SEM1: variants seen among roughly 807,000 people sequenced by gnomAD.
SEM1 encodes SEM1 26S proteasome subunit.
SEM1 carries 3 observed loss-of-function variants against 12.7 expected under a neutral mutation model. That is an observed-to-expected ratio of 0.24 (90% CI 0.11 to 0.61). The LOEUF is 0.61. SEM1 is among the 20% of genes least tolerant of loss of function. The pLI, the probability that SEM1 is intolerant of heterozygous loss-of-function variation, is 0.88. For missense variants in SEM1, 59 were observed against 81.3 expected (o/e 0.73, Z 1.06); for synonymous variants, 30 against 27.8 (o/e 1.08, Z -0.25).
chr7:96,641,632 TAAAC>T (rs1808612225), intron 2 of SEM1, among the ~76,000 whole-genome samples: 1 of 152,084 alleles, frequency 6.6e-6, no homozygotes, highest in Non-Finnish European at 1.5e-5. Context: ...ATTGTCTCTT[TAAAC>T]AAACAAACAA....
chr7:96,638,674 ATATT>A (rs1808502613), intron 2 of SEM1, among the ~76,000 whole-genome samples: 1 of 151,926 alleles, frequency 6.6e-6, no homozygotes, highest in Non-Finnish European at 1.5e-5. Context: ...ATAGTAATAA[ATATT>A]CTTTATAATA....
At chr7:96,614,683 GC>G (rs537285484) in intron 2 of SEM1, among the ~76,000 whole-genome samples, 18 of 152,192 alleles carry the variant, frequency 1.2e-4, no homozygotes, top group Non-Finnish European at 2.1e-4. Context: ...GGTGTGAAAA[GC>G]TTTGGGTTCT....
chr7:96,687,779 A>G (rs1639253620), downstream of SEM1, among the ~76,000 whole-genome samples: 1 of 152,108 alleles, frequency 6.6e-6, no homozygotes, highest in South Asian at 2.1e-4. Flanking sequence ...AACTTAAAGT[A>G]TAATAATAAT....
At chr7:96,567,850 C>A (rs995245047) in intron 2 of SEM1, among the ~76,000 whole-genome samples, 4 of 151,118 alleles carry the variant, frequency 2.6e-5, no homozygotes, top group Non-Finnish European at 5.9e-5. Flanking sequence ...TCTTTTAAAG[C>A]AATGTTGGAT....
At chr7:96,623,072 A>G in intron 2 of SEM1, 1 of 157,766 alleles carries the variant, frequency 6.3e-6, no homozygotes, top group Non-Finnish European at 1.4e-5. Context: ...TGCCCTCCCC[A>G]ATATGAGTAG....
At chr7:96,693,510 T>G (rs10273072) in intron 2 of SEM1, among the ~76,000 whole-genome samples, 30,918 of 151,822 alleles carry the variant, frequency 0.2, 3,197 homozygotes, top group South Asian at 0.25. Context: ...TTACATTGAA[T>G]TTGCCAATGA....
intron 2 of SEM1, chr7:96,645,587 C>T (rs1172513339): frequency 2.5e-6 from 1 of 395,144 alleles, no homozygotes; most frequent in East Asian, 3.6e-5. Context: ...GCTCAAAGAA[C>T]TGCAAAGAGT....
At chr7:96,695,922 C>G (rs1790079579) in intron 1 of SEM1, 2 of 151,862 alleles carry the variant, frequency 1.3e-5, no homozygotes, top group Admixed American at 6.6e-5. Flanking sequence ...CCTTGTAAGT[C>G]TTTGAAAAAT....
intron 2 of SEM1, among the ~76,000 whole-genome samples, chr7:96,650,736 C>T (rs536347298): frequency 6.6e-6 from 1 of 152,128 alleles, no homozygotes; most frequent in Non-Finnish European, 1.5e-5. Context: ...GTAAAAGTGG[C>T]CCAACAGCAA....
chr7:96,552,472 A>G (rs1805315348), intron 2 of SEM1, among the ~76,000 whole-genome samples: 1 of 150,572 alleles, frequency 6.6e-6, no homozygotes. Context: ...TAGTTTACTG[A>G]GAATGATGAT....
At chr7:96,704,550 T>C (rs953979072) in intron 1 of SEM1, among the ~76,000 whole-genome samples, 1 of 152,314 alleles carries the variant, frequency 6.6e-6, no homozygotes, top group African/African-American at 2.4e-5. Context: ...TCAAAAACTT[T>C]CTTCTTGCAC....
intron 2 of SEM1, among the ~76,000 whole-genome samples, chr7:96,547,956 T>C (rs1805154115): frequency 2.0e-5 from 3 of 152,216 alleles, no homozygotes; most frequent in African/African-American, 7.2e-5. Flanking sequence ...TTATAAAAAT[T>C]ATATTTGAAA....
chr7:96,539,887 A>G (rs1276387244), intron 2 of SEM1, among the ~76,000 whole-genome samples: 1 of 151,536 alleles, frequency 6.6e-6, no homozygotes, highest in African/African-American at 2.4e-5. Flanking sequence ...TTATAATATT[A>G]GGCTGGTGCA....
At position 96,508,973 on chromosome 7, in the gene SEM1, T is replaced by A. The variant is rs139992116; in HGVS notation, c.171-2275A>T. ...ATCTATTTTTAAATTAAATGACAAT[T>A]TTTACTACAAGAAACACAACTTTTT... On this transcript the variant is annotated intron_variant and NMD_transcript_variant, in intron 2 of 3. Transcript: ENST00000466986. Among the ~76,000 whole-genome samples the A allele has an allele frequency of 4.8e-4, 72 of 149,778 alleles. 1 individual carries two copies. The highest frequency in any genetic ancestry group is 1.7e-3 in the African/African-American group (67 of 40,506).
chr7:96,576,944 C>T (rs1242299502), intron 2 of SEM1, among the ~76,000 whole-genome samples: 2 of 151,948 alleles, frequency 1.3e-5, no homozygotes, highest in Non-Finnish European at 2.9e-5. Context: ...ATGGTGAAAC[C>T]CCGTTTCTAC....
At chr7:96,525,863 ATGATCTGAGGTGGAACAGT>A (rs1369718531) in intron 2 of SEM1, among the ~76,000 whole-genome samples, 9 of 152,144 alleles carry the variant, frequency 5.9e-5, no homozygotes, top group Admixed American at 1.3e-4. Context: ...CTAATGCCTG[ATGATCTGAGGTGGAACAGT>A]TTCATCCCGA....
chr7:96,572,403 T>TTC (rs1185339725), intron 2 of SEM1, among the ~76,000 whole-genome samples: 2 of 152,220 alleles, frequency 1.3e-5, no homozygotes, highest in Non-Finnish European at 2.9e-5. Context: ...CTTTCCTGCT[T>TTC]TCTCCTGTTG....
intron 2 of SEM1, among the ~76,000 whole-genome samples, chr7:96,632,777 G>GTTT (rs1437758372): frequency 4.0e-5 from 4 of 99,074 alleles, no homozygotes; most frequent in African/African-American, 1.3e-4. Context: ...TTTTTTTGTT[G>GTTT]TTTTTTGTTT....
intron 2 of SEM1, among the ~76,000 whole-genome samples, chr7:96,525,543 A>C (rs1269773571): frequency 6.6e-6 from 1 of 152,170 alleles, no homozygotes; most frequent in East Asian, 1.9e-4. Flanking sequence ...ATTTTTAAGA[A>C]GAAGGAGGAT....
Sources: allele counts gnomAD v4.1 joint callset (sites outside exome capture counted in the v4.1 genomes callset), GRCh38; gene constraint gnomAD v4.1.1; transcripts MANE v1.5; gene names NCBI Gene and HGNC (gene_info 2026-07-23, HGNC 2026-07-21).